Variants in SLC30A8 observed in about 807,000 individuals in gnomAD.
The protein encoded by SLC30A8 is proton-coupled zinc antiporter SLC30A8.
In SLC30A8, 27 loss-of-function variants were observed where a neutral mutation model predicts 36.9. The observed-to-expected ratio is 0.73, with a 90% CI of 0.54 to 1.01. The LOEUF (loss-of-function observed/expected upper bound fraction) is 1.01, where lower values mean the gene tolerates loss of function less well. Among genes scored for constraint, SLC30A8 ranks in the 50% least tolerant of loss-of-function variants. SLC30A8 has a pLI of 0.00. For synonymous variants in SLC30A8, 164 were observed against 172.4 expected, an observed-to-expected ratio of 0.95 and a Z score of 0.38; for missense variants, 439 against 452.0, an observed-to-expected ratio of 0.97 and a Z score of 0.26.
At chr8:117,161,393 TGACA>T (rs1286112273) in intron 4 of SLC30A8, among the ~76,000 whole-genome samples, 1 of 119,730 alleles carries the variant, frequency 8.4e-6, no homozygotes, top group Non-Finnish European at 1.6e-5. Context: ...GCTTGGTGCC[TGACA>T]GTCAGTCAAC....
intron 2 of SLC30A8, among the ~76,000 whole-genome samples, chr8:117,075,718 T>C (rs1223262301): frequency 6.6e-6 from 1 of 152,232 alleles, no homozygotes; most frequent in African/African-American, 2.4e-5. Flanking sequence ...TTGACAGCTA[T>C]GACCTTTGTA....
intron 2 of SLC30A8, among the ~76,000 whole-genome samples, chr8:117,147,948 T>C (rs1821977454): frequency 6.6e-6 from 1 of 152,162 alleles, no homozygotes; most frequent in African/African-American, 2.4e-5. Context: ...TTAATGTCTG[T>C]TACTCATTCG....
intron 2 of SLC30A8, among the ~76,000 whole-genome samples, chr8:117,058,779 G>A (rs1446902550): frequency 6.6e-6 from 1 of 152,124 alleles, no homozygotes; most frequent in African/African-American, 2.4e-5. Flanking sequence ...AAATTTTGGT[G>A]TCCACACACA....
chr8:117,120,957 G>A (rs966852261), intron 2 of SLC30A8, among the ~76,000 whole-genome samples: 1 of 151,788 alleles, frequency 6.6e-6, no homozygotes. Flanking sequence ...CTGTTAGGAT[G>A]GCCATCAAAA....
intron 1 of SLC30A8, among the ~76,000 whole-genome samples, chr8:116,961,605 A>G (rs547557302): frequency 2.0e-4 from 31 of 152,088 alleles, no homozygotes; most frequent in Middle Eastern, 3.4e-3. Flanking sequence ...ACAGAATACC[A>G]CAGAATGGGT....
intron 1 of SLC30A8, among the ~76,000 whole-genome samples, chr8:116,963,171 C>G (rs535511632): frequency 2.0e-5 from 3 of 152,258 alleles, no homozygotes; most frequent in Non-Finnish European, 4.4e-5. Flanking sequence ...ATTTATTTCT[C>G]TAGAACCCAA....
chr8:117,026,522 A>G (rs1816878607), intron 1 of SLC30A8, among the ~76,000 whole-genome samples: 1 of 152,158 alleles, frequency 6.6e-6, no homozygotes, highest in African/African-American at 2.4e-5. Flanking sequence ...CTCTCTGTAC[A>G]TGATACCCTC....
intron 2 of SLC30A8, among the ~76,000 whole-genome samples, chr8:117,076,508 C>G (rs959035859): frequency 2.0e-5 from 3 of 152,102 alleles, no homozygotes; most frequent in Non-Finnish European, 4.4e-5. Context: ...CATCCTACCC[C>G]CTTGTCTTGT....
chr8:117,022,384 A>G (rs1486344664), intron 1 of SLC30A8, among the ~76,000 whole-genome samples: 2 of 152,144 alleles, frequency 1.3e-5, no homozygotes, highest in African/African-American at 2.4e-5. Flanking sequence ...ATTAGGGATA[A>G]TACATGCTGG....
At chr8:116,971,901 G>A (rs550235312) in intron 1 of SLC30A8, among the ~76,000 whole-genome samples, 4 of 152,232 alleles carry the variant, frequency 2.6e-5, no homozygotes, top group South Asian at 4.1e-4. Context: ...AAAATTTAGT[G>A]TTAATTTCCT....
chr8:116,952,177 T>C (rs2130569829), intron 1 of SLC30A8, among the ~76,000 whole-genome samples: 1 of 152,170 alleles, frequency 6.6e-6, no homozygotes, highest in South Asian at 2.1e-4. Context: ...TAGTTGGTGC[T>C]TAGAAGAAAG....
chr8:117,135,405 G>A lies in SLC30A8; in HGVS notation c.71+7G>A, dbSNP rs1161769821. The A allele has an allele frequency of 1.7e-5, 27 of 1,573,524 alleles. No individual in the cohort carries two copies. Among genetic ancestry groups the A allele is most frequent in the Non-Finnish European group, 2.3e-5 (27 of 1,154,682 alleles). ...ATGCTTTCACACTAGAAAGGTAATA[G>A]ATGTCTGTGTCTGCTTCACAATTTT... On this transcript the variant is annotated splice_region_variant and intron_variant, in intron 1 of 7. Coordinates refer to ENST00000456015, the MANE Select transcript of SLC30A8 (RefSeq NM_173851.3).
intron 2 of SLC30A8, among the ~76,000 whole-genome samples, chr8:117,078,260 G>T (rs1416446260): frequency 6.6e-6 from 1 of 152,122 alleles, no homozygotes; most frequent in Non-Finnish European, 1.5e-5. Flanking sequence ...CCCATTGATG[G>T]ATAGTTAGAT....
chr8:116,954,994 G>A (rs1014957253), intron 1 of SLC30A8, among the ~76,000 whole-genome samples: 2 of 152,210 alleles, frequency 1.3e-5, no homozygotes, highest in African/African-American at 2.4e-5. Flanking sequence ...CCAGGTAAAT[G>A]TATCAGTTGA....
Position 117,090,076 on chromosome 8 carries a change from G to A in SLC30A8, c.-225-45204G>A, listed in dbSNP as rs185827193. ...CAACCTCTGCCTCCCAGGTTCAAGC[G>A]ATTCTTCTGCCTCAGCCTCCCAAGC... On this transcript the variant is annotated intron_variant, in intron 2 of 10. Coordinates refer to the SLC30A8 transcript ENST00000427715. Among the ~76,000 whole-genome samples the A allele has an allele frequency of 9.9e-5, 15 of 151,978 alleles. No individual in the cohort carries two copies. The East Asian group carries it at 2.3e-3, about 24-fold the overall frequency.
At chr8:117,000,634 G>GA (rs1053777641) in intron 1 of SLC30A8, among the ~76,000 whole-genome samples, 1 of 151,564 alleles carries the variant, frequency 6.6e-6, no homozygotes, top group South Asian at 2.1e-4. Flanking sequence ...TGTTAAGACA[G>GA]AAAAAAAAGA....
chr8:117,174,806 G>C lies in SLC30A8; in HGVS notation c.*2125G>C, dbSNP rs1823588084. ...TGTCCCATGGCCCCAGGGTATTTCT[G>C]TTGTTTCCCTGAAATTCTGCTTTTT... On this transcript the variant is annotated 3_prime_UTR_variant, in exon 8 of 8. Transcript: ENST00000456015. The C allele has an allele frequency of 6.6e-6, 1 of 152,498 alleles. No homozygotes were observed. The highest frequency in any genetic ancestry group is 2.4e-5 in the African/African-American group (1 of 41,436). The allele number at this position is 152,498 out of a possible 1,614,324, so 9.4% of individuals were successfully genotyped here. A position where few individuals can be genotyped will look rare whatever the true frequency, so the allele number is the denominator to read the frequency against.
At chr8:117,062,285 T>C (rs1246436693) in intron 2 of SLC30A8, among the ~76,000 whole-genome samples, 1 of 152,132 alleles carries the variant, frequency 6.6e-6, no homozygotes, top group Non-Finnish European at 1.5e-5. Context: ...TGAGACTCGG[T>C]AATTTATGAA....
At chr8:117,058,884 T>C (rs1214927008) in intron 2 of SLC30A8, among the ~76,000 whole-genome samples, 1 of 152,134 alleles carries the variant, frequency 6.6e-6, no homozygotes, top group Non-Finnish European at 1.5e-5. Flanking sequence ...AGTTGAGAGG[T>C]TAAAACAAAG....
Sources: allele counts gnomAD v4.1 joint callset (sites outside exome capture counted in the v4.1 genomes callset), GRCh38; gene constraint gnomAD v4.1.1; transcripts MANE v1.5; gene names NCBI Gene and HGNC (gene_info 2026-07-23, HGNC 2026-07-21).